Variants in CMTM4 observed in about 807,000 individuals in gnomAD.
CMTM4 encodes CKLF like MARVEL transmembrane domain containing 4.
A neutral mutation model predicts 19.0 loss-of-function variants in CMTM4; 8 were observed. The observed-to-expected ratio is 0.42, with a 90% CI of 0.25 to 0.76. The LOEUF is 0.76. CMTM4 is among the 30% of genes least tolerant of loss of function. The probability of loss-of-function intolerance (pLI) is 0.27; values close to 1 mark genes in which losing one functional copy is unlikely to be tolerated. For missense variants in CMTM4, 228 were observed against 290.2 expected (o/e 0.79, Z 1.56); for synonymous variants, 106 against 121.1 (o/e 0.88, Z 0.82).
chr16:66,695,900 G>A (rs970457037), intron 1 of CMTM4, among the ~76,000 whole-genome samples: 1 of 152,220 alleles, frequency 6.6e-6, no homozygotes, highest in Non-Finnish European at 1.5e-5. Context: ...TAGACATCAA[G>A]TGGGAACCAA....
chr16:66,625,237 C>G (rs936983258), intron 2 of CMTM4, among the ~76,000 whole-genome samples: 3 of 151,954 alleles, frequency 2.0e-5, no homozygotes, highest in Non-Finnish European at 4.4e-5. Context: ...GAGTTCGAGA[C>G]CAGCCTGACC....
intron 1 of CMTM4, among the ~76,000 whole-genome samples, chr16:66,674,357 C>T (rs1336259719): frequency 2.0e-5 from 3 of 152,172 alleles, no homozygotes; most frequent in Non-Finnish European, 2.9e-5. Context: ...CTGCTCCTGG[C>T]AACTCAGGCC....
chr16:66,693,791 C>G (rs899844406), intron 1 of CMTM4, among the ~76,000 whole-genome samples: 2 of 152,058 alleles, frequency 1.3e-5, no homozygotes, highest in African/African-American at 4.8e-5. Flanking sequence ...GAGGCCGAGG[C>G]GGGCAGATGA....
chr16:66,626,898 G>A (rs1007198149), intron 2 of CMTM4, among the ~76,000 whole-genome samples: 11 of 151,812 alleles, frequency 7.2e-5, no homozygotes, highest in Non-Finnish European at 1.0e-4. Flanking sequence ...TCAGGAGTTC[G>A]AGACCAGCCT....
intron 1 of CMTM4, among the ~76,000 whole-genome samples, chr16:66,661,849 C>T (rs1329575756): frequency 5.3e-5 from 8 of 152,084 alleles, no homozygotes; most frequent in South Asian, 2.1e-4. Context: ...AGGAGAATTG[C>T]GTGAACTCGG....
At position 66,619,168 on chromosome 16, in the gene CMTM4, CA is replaced by C; in HGVS notation, c.*2889del. 1 of 985,432 alleles carries C rather than the reference CA, an allele frequency of 1.0e-6. No individual in the cohort carries two copies. Among genetic ancestry groups the C allele is most frequent in the Non-Finnish European group, 1.2e-6 (1 of 829,920 alleles). 61.0% of individuals were successfully genotyped at this position (985,432 alleles called of 1,614,324 possible). A position where few individuals can be genotyped will look rare whatever the true frequency, so the allele number is the denominator to read the frequency against. On this transcript the variant is annotated 3_prime_UTR_variant, in exon 4 of 4. Coordinates refer to ENST00000394106, the MANE Select transcript of CMTM4 (RefSeq NM_181521.3). ...TAATCCCTCTTTAAGGCAGGGAAAA[CA>C]TATTTCCCTCCCATGCCTTCAGCAG...
At chr16:66,623,607 T>C in intron 2 of CMTM4, 105 bp from the exon 3 acceptor site, 1 of 675,174 alleles carries the variant, frequency 1.5e-6, no homozygotes, top group Non-Finnish European at 2.5e-6. Flanking sequence ...CCAACCTCCC[T>C]GGTGGCTCCA....
At chr16:66,640,952 C>A (rs1405159805) in intron 1 of CMTM4, among the ~76,000 whole-genome samples, 1 of 152,220 alleles carries the variant, frequency 6.6e-6, no homozygotes, top group Admixed American at 6.5e-5. Context: ...ATAGCCCTAG[C>A]CAAAAGCTTG....
In CMTM4 at chr16:66,620,830, A is replaced by T; in HGVS notation, c.*1228T>A. The T allele has an allele frequency of 1.0e-6, 1 of 985,408 alleles. No homozygotes were observed. Among genetic ancestry groups the T allele is most frequent in the Non-Finnish European group, 1.2e-6 (1 of 829,706 alleles). 61.0% of individuals were successfully genotyped at this position (985,408 alleles called of 1,614,324 possible). The stretch of plus-strand genomic sequence containing the variant: ...CCATAAAAGATATAATTACTCTCTA[A>T]TTTTTTAAAAAAACTACTGCATCAT... On this transcript the variant is annotated 3_prime_UTR_variant, in exon 4 of 4. Coordinates refer to ENST00000394106, the MANE Select transcript of CMTM4 (RefSeq NM_181521.3).
chr16:66,683,162 T>TAC (rs2016957128), intron 1 of CMTM4, among the ~76,000 whole-genome samples: 1 of 90,222 alleles, frequency 1.1e-5, no homozygotes, highest in Non-Finnish European at 2.3e-5. Flanking sequence ...TATATATACG[T>TAC]ATATATATAT....
intron 1 of CMTM4, among the ~76,000 whole-genome samples, chr16:66,664,204 A>C (rs1450701231): frequency 6.6e-6 from 1 of 151,824 alleles, no homozygotes; most frequent in East Asian, 1.9e-4. Context: ...CTGCACTTCC[A>C]GCCTGGGTGA....
chr16:66,683,194 C>CATATATATATGTAT (rs2016968217), intron 1 of CMTM4, among the ~76,000 whole-genome samples: 26 of 107,672 alleles, frequency 2.4e-4, no homozygotes, highest in African/African-American at 1.0e-3. Flanking sequence ...TATATATATA[C>CATATATATATGTAT]ATATATATAT....
chr16:66,622,748 C>T lies in CMTM4; in HGVS notation c.463-526G>A, dbSNP rs1039978846. Among the ~76,000 whole-genome samples the T allele has an allele frequency of 2.0e-5, 3 of 152,212 alleles. No individual in the cohort carries two copies. The highest frequency in any genetic ancestry group is 7.2e-5 in the African/African-American group (3 of 41,452). ...CACAGCCCCCATCCCACACCTGCCTCTCATGGGGCAGCTCCAAGTAAGCAG... is the reference window on the plus strand; with the variant it reads ...CACAGCCCCCATCCCACACCTGCCTTTCATGGGGCAGCTCCAAGTAAGCAG... On this transcript the variant is annotated intron_variant, in intron 3 of 3. Coordinates refer to ENST00000394106, the MANE Select transcript of CMTM4 (RefSeq NM_181521.3). This position sits in a 1 kb window ranked among gnomAD's most constrained non-coding sequence, Gnocchi z 4.0.
At position 66,664,269 on chromosome 16, in the gene CMTM4, T is replaced by C. The variant is rs72790486; in HGVS notation, c.187-27688A>G. 5.3e-3 allele frequency among the ~76,000 whole-genome samples: 792 copies of C among 149,534 alleles called. 9 individuals are homozygous for C. Among genetic ancestry groups the C allele is most frequent in the South Asian group, 0.034 (160 of 4,722 alleles). ...AAAAAAAATTTCAGATAAAGGAAAATGAAGAGAACTCATAGCCAACAAATC... is the reference window on the plus strand; with the variant it reads ...AAAAAAAATTTCAGATAAAGGAAAACGAAGAGAACTCATAGCCAACAAATC... On this transcript the variant is annotated intron_variant, in intron 1 of 3. Transcript: ENST00000394106.
intron 1 of CMTM4, among the ~76,000 whole-genome samples, chr16:66,683,559 G>A (rs1418352193): frequency 2.0e-5 from 3 of 151,570 alleles, no homozygotes; most frequent in East Asian, 1.9e-4. Flanking sequence ...CCAAAGTGCT[G>A]GGAGCTACCA....
chr16:66,696,415 G>A lies in CMTM4; in HGVS notation c.111C>T (p.Arg37=). The change falls in exon 1 of 4, where the codon CGC becomes CGT. Residue 37 remains arginine, a synonymous_variant. Coordinates refer to ENST00000394106, the MANE Select transcript of CMTM4 (RefSeq NM_181521.3). This position sits in a 1 kb window ranked among gnomAD's most constrained non-coding sequence, Gnocchi z 4.3. ...CGCAGCGCAGGCCGGCCAGCCCGCG[G>A]CGCTGGCTCACCGGCTCGGTGGTGG... ...YQPTTEPVSQ[R]RGLAGLRCDP... 1 of 1,406,076 alleles carries A rather than the reference G, an allele frequency of 7.1e-7. No homozygotes were observed. Among genetic ancestry groups the A allele is most frequent in the Non-Finnish European group, 9.2e-7 (1 of 1,081,892 alleles). The allele number at this position is 1,406,076 out of a possible 1,614,324, so 87.1% of individuals were successfully genotyped here. A position where few individuals can be genotyped will look rare whatever the true frequency, so the allele number is the denominator to read the frequency against.
chr16:66,629,118 T>C (rs1408626806), intron 2 of CMTM4, among the ~76,000 whole-genome samples: 1 of 152,222 alleles, frequency 6.6e-6, no homozygotes, highest in African/African-American at 2.4e-5. Flanking sequence ...GCACTTGAGT[T>C]CCTGGGCCAT....
At chr16:66,613,604 T>A (rs943765319), downstream of CMTM4, 1 of 154,424 alleles carries the variant, frequency 6.5e-6, no homozygotes, top group African/African-American at 2.4e-5. Context: ...AGCAGCTTCT[T>A]AACAGATGGC....
chr16:66,681,674 T>C (rs1411477480), intron 1 of CMTM4, among the ~76,000 whole-genome samples: 1 of 152,200 alleles, frequency 6.6e-6, no homozygotes, highest in East Asian at 1.9e-4. Flanking sequence ...ACCAGCCACA[T>C]TTCAAGCGCT....
Sources: gnomAD v4.1 joint callset for allele counts (sites outside exome capture counted in the v4.1 genomes callset) on GRCh38, gnomAD v4.1.1 for gene constraint, Gnocchi (gnomAD v3.1) non-coding constraint, MANE v1.5 for transcripts, NCBI Gene and HGNC (gene_info 2026-07-23, HGNC 2026-07-21) for gene names.